The following PRKACB variants were observed in gnomAD, a reference collection of about 807,000 sequenced individuals.
PRKACB encodes the protein cAMP-dependent protein kinase catalytic subunit beta.
Under a neutral mutation model 51.4 loss-of-function variants are expected in PRKACB, and 16 were observed. The observed-to-expected ratio is 0.31, with a 90% CI of 0.21 to 0.47. PRKACB has a LOEUF of 0.47. Ranked by LOEUF, PRKACB falls within the 20% of genes least tolerant of loss-of-function variation. The pLI, the probability that PRKACB is intolerant of heterozygous loss-of-function variation, is 1.00. For synonymous variants in PRKACB, 147 were observed against 154.4 expected, an observed-to-expected ratio of 0.95 and a Z score of 0.35; for missense variants, 309 against 464.5, an observed-to-expected ratio of 0.67 and a Z score of 3.08.
chr1:84,232,611 A>G (rs928310638), intron 9 of PRKACB, among the ~76,000 whole-genome samples: 3 of 152,232 alleles, frequency 2.0e-5, no homozygotes, highest in African/African-American at 7.2e-5. Flanking sequence ...TTGGGTGCAT[A>G]TATATTTAGG....
At chr1:84,178,058 T>C (rs1453047107) in intron 1 of PRKACB, among the ~76,000 whole-genome samples, 1 of 152,122 alleles carries the variant, frequency 6.6e-6, no homozygotes, top group East Asian at 1.9e-4. Flanking sequence ...CCTGTCATCA[T>C]CATTTTGAAA....
intron 9 of PRKACB, among the ~76,000 whole-genome samples, chr1:84,232,949 T>C (rs377701061): frequency 6.6e-6 from 1 of 152,138 alleles, no homozygotes; most frequent in Non-Finnish European, 1.5e-5. Flanking sequence ...AATTTGATCC[T>C]GTCATTATGA....
chr1:84,136,306 A>G (rs1652801747), intron 1 of PRKACB, among the ~76,000 whole-genome samples: 1 of 152,170 alleles, frequency 6.6e-6, no homozygotes, highest in Non-Finnish European at 1.5e-5. Flanking sequence ...GGTGAAATAT[A>G]CAAAATAAAA....
intron 9 of PRKACB, among the ~76,000 whole-genome samples, chr1:84,217,732 G>A: frequency 6.6e-6 from 1 of 152,168 alleles, no homozygotes; most frequent in Non-Finnish European, 1.5e-5. Flanking sequence ...GGTCAAGGCT[G>A]CAGTGAGCCA....
At chr1:84,210,832 T>C (rs1198823772) in intron 8 of PRKACB, among the ~76,000 whole-genome samples, 1 of 152,144 alleles carries the variant, frequency 6.6e-6, no homozygotes, top group East Asian at 1.9e-4. Context: ...GTTTGATAAA[T>C]CAACATGACT....
intron 1 of PRKACB, among the ~76,000 whole-genome samples, chr1:84,102,344 G>A (rs531374565): frequency 8.9e-4 from 135 of 152,144 alleles, no homozygotes; most frequent in African/African-American, 3.1e-3. Flanking sequence ...CCGAGATTGC[G>A]CCACTGCACT....
At chr1:84,081,042 G>T (rs1198787755) in intron 1 of PRKACB, among the ~76,000 whole-genome samples, 1 of 152,154 alleles carries the variant, frequency 6.6e-6, no homozygotes, top group Non-Finnish European at 1.5e-5. Flanking sequence ...ATTATGGAAA[G>T]TGGAATTAGA....
intron 5 of PRKACB, among the ~76,000 whole-genome samples, chr1:84,194,372 A>T (rs1331844770): frequency 6.6e-6 from 1 of 152,164 alleles, no homozygotes; most frequent in Non-Finnish European, 1.5e-5. Context: ...CTCATCTTTC[A>T]CAAGTACTAC....
chr1:84,167,773 G>T (rs1167978750), intron 1 of PRKACB, among the ~76,000 whole-genome samples: 2 of 151,382 alleles, frequency 1.3e-5, no homozygotes, highest in East Asian at 1.9e-4. Flanking sequence ...ACCAGTGTGG[G>T]TTTTGACTTT....
At chr1:84,121,228 ACT>A (rs1285617283) in intron 1 of PRKACB, among the ~76,000 whole-genome samples, 3 of 151,772 alleles carry the variant, frequency 2.0e-5, no homozygotes, top group Non-Finnish European at 4.4e-5. Flanking sequence ...ACTTGAATTC[ACT>A]TTTCTATATA....
chr1:84,208,179 A>G (rs139577365), intron 8 of PRKACB, among the ~76,000 whole-genome samples: 2 of 152,348 alleles, frequency 1.3e-5, no homozygotes, highest in African/African-American at 4.8e-5. Context: ...GTGAGTTTAA[A>G]TCACTCAGTA....
At chr1:84,081,558 A>G (rs1357485052) in intron 1 of PRKACB, among the ~76,000 whole-genome samples, 1 of 152,180 alleles carries the variant, frequency 6.6e-6, no homozygotes, top group African/African-American at 2.4e-5. Flanking sequence ...AATACAGAGA[A>G]ACATAAACTT....
At chr1:84,125,282 G>A (rs1032331619) in intron 1 of PRKACB, among the ~76,000 whole-genome samples, 3 of 152,136 alleles carry the variant, frequency 2.0e-5, no homozygotes, top group Non-Finnish European at 4.4e-5. Context: ...TACATAGGCT[G>A]TAATATCTCA....
intron 2 of PRKACB, among the ~76,000 whole-genome samples, chr1:84,179,998 A>G (rs1558138518): frequency 7.1e-6 from 1 of 141,338 alleles, no homozygotes; most frequent in Non-Finnish European, 1.5e-5. Flanking sequence ...CCCTGTGTCC[A>G]TGTGTTCTCA....
intron 1 of PRKACB, among the ~76,000 whole-genome samples, chr1:84,145,172 T>A (rs1340854898): frequency 2.6e-5 from 4 of 152,282 alleles, no homozygotes; most frequent in African/African-American, 9.6e-5. Flanking sequence ...TCACATTCTT[T>A]CAGGCATGTT....
intron 8 of PRKACB, among the ~76,000 whole-genome samples, chr1:84,206,975 T>A (rs1339938048): frequency 6.6e-6 from 1 of 152,242 alleles, no homozygotes; most frequent in Admixed American, 6.5e-5. Context: ...TCTAAGATAC[T>A]ATTGTTAATG....
At chr1:84,094,880 C>T (rs1648807104) in intron 1 of PRKACB, among the ~76,000 whole-genome samples, 1 of 151,962 alleles carries the variant, frequency 6.6e-6, no homozygotes, top group African/African-American at 2.4e-5. Flanking sequence ...CAGTCAAAAA[C>T]ATACTGAATA....
chr1:84,153,430 A>G (rs1408596249), intron 1 of PRKACB, among the ~76,000 whole-genome samples: 4 of 127,010 alleles, frequency 3.1e-5, no homozygotes, highest in Non-Finnish European at 5.8e-5. Flanking sequence ...CACACAATAA[A>G]ATGAGGGGTG....
chr1:84,201,028 G>A (rs1669960308), intron 7 of PRKACB, among the ~76,000 whole-genome samples: 4 of 151,888 alleles, frequency 2.6e-5, no homozygotes, highest in East Asian at 1.9e-4. Context: ...ATACATAAAA[G>A]TTTTTTCCTT....
Sources: allele counts gnomAD v4.1 joint callset (sites outside exome capture counted in the v4.1 genomes callset), GRCh38; gene constraint gnomAD v4.1.1; transcripts MANE v1.5; gene names NCBI Gene and HGNC (gene_info 2026-07-23, HGNC 2026-07-21).